Variants in ASB12 observed in about 807,000 individuals in gnomAD.
ASB12 encodes the protein ankyrin repeat and SOCS box containing 12.
ASB12 carries 17 observed loss-of-function variants against 13.7 expected under a neutral mutation model. That is an observed-to-expected ratio of 1.24 (90% CI 0.85 to 1.86). The LOEUF (loss-of-function observed/expected upper bound fraction) is 1.86. ASB12 is among the 40% of genes most tolerant of loss of function. The pLI, the probability that ASB12 is intolerant of heterozygous loss-of-function variation, is 0.00. For missense variants in ASB12, 329 were observed against 250.5 expected (o/e 1.31, Z -2.11); for synonymous variants, 107 against 99.8 (o/e 1.07, Z -0.43).
At chrX:64,229,161 C>CT (rs760264010) in intron 1 of ASB12, among the ~76,000 whole-genome samples, 2 of 111,906 alleles carry the variant, frequency 1.8e-5, no homozygotes, top group South Asian at 7.6e-4. Context: ...TGGAAGGTTC[C>CT]TTTACAAATA....
At chrX:64,224,740 G>A (rs1930897306) in intron 2 of ASB12, 88 bp downstream of exon 2, 1 of 1,063,397 alleles carries the variant, frequency 9.4e-7, no homozygotes, top group East Asian at 3.2e-5. Flanking sequence ...TTTCTCCAGT[G>A]CACCTCAGAG....
At chrX:64,227,002 T>C (rs1380206696) in intron 1 of ASB12, among the ~76,000 whole-genome samples, 1 of 110,968 alleles carries the variant, frequency 9.0e-6, no homozygotes, top group Non-Finnish European at 1.9e-5. Context: ...TTATTATTTA[T>C]TCATTCTTGG....
chrX:64,225,010 T>G lies in ASB12; in HGVS notation c.641A>C (p.Gln214Pro). The G allele has an allele frequency of 8.3e-7, 1 of 1,211,680 alleles. No individual in the cohort carries two copies. Among genetic ancestry groups the G allele is most frequent in the East Asian group, 3.0e-5 (1 of 33,854 alleles). ...GADPDYNCTD[Q>P]GLLARVPRPR... ...TCTTGGGACACGAGCCAATAGGCCC[T>G]GGTCAGTGCAGTTGTAGTCAGGGTC... is the stretch of plus-strand genomic sequence containing the variant. Residue 214 changes from glutamine (Q) to proline (P), a missense_variant, in exon 2 of 3, where the codon CAG becomes CCG. Physicochemically the swap from Gln to Pro is moderately conservative, Grantham distance 76. Transcript: ENST00000362002.
chrX:64,225,209 G>C lies in ASB12; in HGVS notation c.442C>G (p.Arg148Gly), dbSNP rs373317035. Residue 148 changes from arginine to glycine, a missense_variant, in exon 2 of 3, where the codon CGT becomes GGT. Arg to Gly is a moderately radical substitution (Grantham distance 125). Transcript: ENST00000362002. ...TGCAGGATAGCAACAGCACCATCACGGGCAGCTGTGAGCACGGGAGAACAG... is the reference window on the plus strand; with the variant it reads ...TGCAGGATAGCAACAGCACCATCACCGGCAGCTGTGAGCACGGGAGAACAG... ...NNCSPVLTAA[R>G]DGAVAILQEL... 5.9e-5 allele frequency: 71 copies of C among 1,209,729 alleles called. No individual in the cohort carries two copies. Among genetic ancestry groups the C allele is most frequent in the Non-Finnish European group, 7.6e-5 (68 of 895,198 alleles).
In ASB12 at chrX:64,224,418, A is replaced by G. The variant is rs1930886418; in HGVS notation, c.874T>C (p.Leu292=). Residue 292 remains leucine, a synonymous_variant, in exon 3 of 3, where the codon TTG becomes CTG. Transcript: ENST00000362002. ...GCTTGTGGCTGGCCAGCCTGGCACA[A>G]GGCTCTGCGGACGACTAAACGGACC... ...SQVRLVVRRA[L]CQAGQPQAIN... 8.3e-7 allele frequency: 1 copy of G among 1,208,139 alleles called. No homozygotes were observed. Among genetic ancestry groups the G allele is most frequent in the African/African-American group, 1.8e-5 (1 of 56,900 alleles).
At position 64,224,416 on chromosome X, in the gene ASB12, C is replaced by T. The variant is rs771114865; in HGVS notation, c.876G>A (p.Leu292=). 8.3e-7 allele frequency: 1 copy of T among 1,210,128 alleles called. No individual in the cohort carries two copies. Among genetic ancestry groups the T allele is most frequent in the South Asian group, 1.8e-5 (1 of 56,878 alleles). ...TGGCTTGTGGCTGGCCAGCCTGGCA[C>T]AAGGCTCTGCGGACGACTAAACGGA... ...SQVRLVVRRA[L]CQAGQPQAIN... The change falls in exon 3 of 3, where the codon TTG becomes TTA. Residue 292 remains leucine, a synonymous_variant. Transcript: ENST00000362002.
At chrX:64,227,395 C>T (rs1312706824) in intron 1 of ASB12, among the ~76,000 whole-genome samples, 1 of 111,903 alleles carries the variant, frequency 8.9e-6, no homozygotes, top group Non-Finnish European at 1.9e-5. Flanking sequence ...TTCACCCACA[C>T]TCAAACATAC....
At chrX:64,227,797 A>G (rs979506797) in intron 1 of ASB12, among the ~76,000 whole-genome samples, 6 of 111,441 alleles carry the variant, frequency 5.4e-5, no homozygotes, top group Admixed American at 1.9e-4. Context: ...TTTCCTCACC[A>G]TCTACCTGGT....
intron 1 of ASB12, among the ~76,000 whole-genome samples, chrX:64,228,635 T>C (rs1930994166): frequency 8.9e-6 from 1 of 112,347 alleles, no homozygotes; most frequent in African/African-American, 3.2e-5. Context: ...TAACTATTTT[T>C]ACTATGATGA....
Position 64,224,838 on chromosome X carries a change from TAGC to T in ASB12, c.810_812del (p.Leu271del). The T allele has an allele frequency of 8.5e-7, 1 of 1,182,253 alleles. No individual in the cohort carries two copies. Among genetic ancestry groups the T allele is most frequent in the East Asian group, 3.0e-5 (1 of 33,467 alleles). On this transcript the variant is annotated inframe_deletion, in exon 2 of 3. Transcript: ENST00000362002. The stretch of plus-strand genomic sequence containing the variant: ...CTGTTCACCACTCACCTCGGGCCTG[TAGC>T]AGCAATGCAATGCCTTTATCATCTT...
In ASB12 at chrX:64,224,198, T is replaced by C; in HGVS notation, c.*137A>G. 1 of 756,191 alleles carries C rather than the reference T, an allele frequency of 1.3e-6. No homozygotes were observed. The highest frequency in any genetic ancestry group is 1.9e-6 in the Non-Finnish European group (1 of 517,743). The allele number at this position is 756,191 out of a possible 1,213,427, so 62.3% of individuals were successfully genotyped here. A position where few individuals can be genotyped will look rare whatever the true frequency, so the allele number is the denominator to read the frequency against. ...AGACACAGCAGACACTGGGACTTAT[T>C]TTCTGGAGAATTTTATTGTGGAGGA... On this transcript the variant is annotated 3_prime_UTR_variant, in exon 3 of 3. Transcript: ENST00000362002.
At chrX:64,226,920 G>A (rs922987080) in intron 1 of ASB12, among the ~76,000 whole-genome samples, 2 of 110,417 alleles carry the variant, frequency 1.8e-5, no homozygotes, top group African/African-American at 6.6e-5. Context: ...AGAAAATTAT[G>A]AGGTGGGTGG....
At chrX:64,225,837 T>A (rs1425176714) in intron 1 of ASB12, among the ~76,000 whole-genome samples, 163 bp from the exon 2 acceptor site, 1 of 111,787 alleles carries the variant, frequency 8.9e-6, no homozygotes, top group Non-Finnish European at 1.9e-5. Context: ...CCAAAGACAC[T>A]GCCAAAACAG....
chrX:64,225,379 A>T lies in ASB12; in HGVS notation c.272T>A (p.Val91Asp), dbSNP rs1392426671. Residue 91 changes from valine to aspartate, a missense_variant, in exon 2 of 3, where the codon GTC becomes GAC. Val to Asp is a radical substitution (Grantham distance 152). Coordinates refer to ENST00000362002, the MANE Select transcript of ASB12 (RefSeq NM_130388.4). ...AACATCAGCACCATGGGCTAAGAGG[A>T]CTTGCAAACAGCTCAAGTGGCCATA... ...ASYGHLSCLQ[V>D]LLAHGADVDS... The T allele has an allele frequency of 7.4e-6, 9 of 1,208,513 alleles. No individual in the cohort carries two copies. Among genetic ancestry groups the T allele is most frequent in the Non-Finnish European group, 1.0e-5 (9 of 893,809 alleles).
Position 64,224,945 on chromosome X carries a change from C to A in ASB12, c.706G>T (p.Glu236Ter), listed in dbSNP as rs919792717. 2 of 1,209,787 alleles carry A rather than the reference C, an allele frequency of 1.7e-6. No homozygotes were observed. Among genetic ancestry groups the A allele is most frequent in the African/African-American group, 1.8e-5 (1 of 57,089 alleles). Reference protein sequence around the residue: ...LLEICLHHNCEPEYIQLLIDF... With the variant: ...LLEICLHHNC ...ATTAACAGCTGGATATACTCTGGCTCACAATTATGATGGAGGCAGATTTCA... is the reference window on the plus strand; with the variant it reads ...ATTAACAGCTGGATATACTCTGGCTAACAATTATGATGGAGGCAGATTTCA... Residue 236 changes from glutamate to a stop codon, truncating the protein, a stop_gained, in exon 2 of 3, where the codon GAG becomes TAG. Coordinates refer to ENST00000362002, the MANE Select transcript of ASB12 (RefSeq NM_130388.4). LOFTEE classifies it high-confidence loss of function.
intron 1 of ASB12, among the ~76,000 whole-genome samples, chrX:64,226,527 A>G (rs1930954510): frequency 8.9e-6 from 1 of 111,986 alleles, no homozygotes; most frequent in Admixed American, 9.4e-5. Flanking sequence ...CCCAGGACCA[A>G]TTTAATCCAG....
rs1930878369 is a variant in ASB12 at position 64,224,221 on chromosome X, G to A, written c.*114C>T. On this transcript the variant is annotated 3_prime_UTR_variant, in exon 3 of 3. Transcript: ENST00000362002. ...ATTTTCTGGAGAATTTTATTGTGGA[G>A]GATAATACAGGAGAGCAGCTCCAGG... The A allele has an allele frequency of 2.0e-5, 17 of 856,416 alleles. No homozygotes were observed. Among genetic ancestry groups the A allele is most frequent in the Middle Eastern group, 3.4e-4 (1 of 2,905 alleles). 70.6% of individuals were successfully genotyped at this position (856,416 alleles called of 1,213,427 possible).
intron 1 of ASB12, among the ~76,000 whole-genome samples, chrX:64,229,063 C>T (rs781732085): frequency 5.4e-5 from 6 of 111,305 alleles, no homozygotes; most frequent in East Asian, 2.8e-4. Context: ...CAAACACATA[C>T]CCCCCTCCCT....
intron 1 of ASB12, 97 bp from the exon 2 acceptor site, chrX:64,225,771 A>C: frequency 2.1e-5 from 20 of 967,331 alleles, no homozygotes; most frequent in Non-Finnish European, 2.8e-5. Flanking sequence ...CCATCAGGCT[A>C]CTCATTCATG....
Sources: gnomAD v4.1 joint callset for allele counts (sites outside exome capture counted in the v4.1 genomes callset) on GRCh38, gnomAD v4.1.1 for gene constraint, MANE v1.5 for transcripts, NCBI Gene and HGNC (gene_info 2026-07-23, HGNC 2026-07-21) for gene names.